FOXN3: variants seen among roughly 807,000 people sequenced by gnomAD.
The protein encoded by FOXN3 is forkhead box N3.
FOXN3 carries 7 observed loss-of-function variants against 38.4 expected under a neutral mutation model. That is an observed-to-expected ratio of 0.18 (90% CI 0.10 to 0.34). The LOEUF is 0.34. Ranked by LOEUF, FOXN3 falls within the 10% of genes least tolerant of loss-of-function variation. The probability of loss-of-function intolerance (pLI) is 1.00; values close to 1 mark genes in which losing one functional copy is unlikely to be tolerated. For missense variants in FOXN3, 456 were observed against 613.4 expected (o/e 0.74, Z 2.71); for synonymous variants, 230 against 242.2 (o/e 0.95, Z 0.47).
At chr14:89,372,369 T>C (rs1890343723) in intron 2 of FOXN3, among the ~76,000 whole-genome samples, 2 of 152,212 alleles carry the variant, frequency 1.3e-5, no homozygotes, top group Non-Finnish European at 1.5e-5. Flanking sequence ...TAGAATTCCT[T>C]GTAAGTGCAT....
intron 1 of FOXN3, among the ~76,000 whole-genome samples, chr14:89,598,313 C>T (rs1896098960): frequency 6.6e-6 from 1 of 152,058 alleles, no homozygotes; most frequent in African/African-American, 2.4e-5. Flanking sequence ...CCATTGAATT[C>T]TTATTTCTAT....
intron 3 of FOXN3, among the ~76,000 whole-genome samples, chr14:89,312,392 G>T (rs1275432918): frequency 1.3e-5 from 2 of 151,592 alleles, no homozygotes; most frequent in East Asian, 3.9e-4. Context: ...CTCAGCAATT[G>T]TAAAAGTAAG....
At chr14:89,169,450 A>G (rs949650561) in intron 5 of FOXN3, among the ~76,000 whole-genome samples, 2 of 152,090 alleles carry the variant, frequency 1.3e-5, no homozygotes, top group Non-Finnish European at 2.9e-5. Context: ...TCAAAAAAGA[A>G]AAGAAAATGT....
intron 3 of FOXN3, among the ~76,000 whole-genome samples, chr14:89,330,495 T>G (rs944903025): frequency 2.6e-5 from 4 of 152,126 alleles, no homozygotes; most frequent in Non-Finnish European, 4.4e-5. Flanking sequence ...CACTGTAACT[T>G]GTGGGTAGGA....
At chr14:89,413,455 G>A (rs1310095821) in intron 1 of FOXN3, among the ~76,000 whole-genome samples, 1 of 151,640 alleles carries the variant, frequency 6.6e-6, no homozygotes, top group African/African-American at 2.4e-5. Context: ...GCAACATGGC[G>A]AAACCCCATC....
chr14:89,417,873 C>A, upstream of FOXN3: 1 of 411,792 alleles, frequency 2.4e-6, no homozygotes, highest in Non-Finnish European at 5.0e-6. Context: ...AGACAAGAGG[C>A]ACCGTCCTAA....
chr14:89,323,920 C>T (rs1306275833), intron 3 of FOXN3, among the ~76,000 whole-genome samples: 6 of 152,064 alleles, frequency 3.9e-5, no homozygotes, highest in Non-Finnish European at 8.8e-5. Context: ...AGCACTGTAA[C>T]CTTGGATGTG....
intron 2 of FOXN3, among the ~76,000 whole-genome samples, chr14:89,360,006 A>G (rs554619691): frequency 4.0e-4 from 61 of 152,322 alleles, no homozygotes; most frequent in African/African-American, 1.4e-3. Context: ...GGTACTCCTC[A>G]TCAAGCTGTC....
chr14:89,549,453 A>G (rs750622163), intron 1 of FOXN3, among the ~76,000 whole-genome samples: 1 of 152,086 alleles, frequency 6.6e-6, no homozygotes, highest in African/African-American at 2.4e-5. Flanking sequence ...ACATTCGAAA[A>G]CATCCGGAAA....
intron 4 of FOXN3, among the ~76,000 whole-genome samples, chr14:89,247,585 C>A (rs1453666430): frequency 6.6e-6 from 1 of 152,168 alleles, no homozygotes; most frequent in African/African-American, 2.4e-5. Flanking sequence ...AGTGCACAGT[C>A]AACTATATCT....
chr14:89,192,289 A>ACC (rs1887974709), intron 4 of FOXN3, among the ~76,000 whole-genome samples: 1 of 146,430 alleles, frequency 6.8e-6, no homozygotes, highest in Non-Finnish European at 1.5e-5. Flanking sequence ...TATATACTAT[A>ACC]TAATAAACTA....
chr14:89,461,815 G>A (rs1892853873), intron 1 of FOXN3, among the ~76,000 whole-genome samples: 1 of 152,106 alleles, frequency 6.6e-6, no homozygotes, highest in Non-Finnish European at 1.5e-5. Flanking sequence ...ACTAGAAAAG[G>A]GGAGAAAAGG....
At chr14:89,295,762 A>ATTTTTTTTTTTTTTTTTTTT (rs1032063820) in intron 3 of FOXN3, among the ~76,000 whole-genome samples, 2 of 123,224 alleles carry the variant, frequency 1.6e-5, no homozygotes, top group Non-Finnish European at 3.4e-5. Context: ...TAATTTTTGC[A>ATTTTTTTTTTTTTTTTTTTT]TTTTTTTTTT....
At chr14:89,616,651 T>C (rs973492749) in intron 1 of FOXN3, among the ~76,000 whole-genome samples, 3 of 151,826 alleles carry the variant, frequency 2.0e-5, no homozygotes, top group African/African-American at 4.8e-5. Context: ...CCCCGATGAA[T>C]CCTCATCCAC....
intron 2 of FOXN3, 158 bp from the exon 3 acceptor site, chr14:89,350,966 A>C: frequency 2.2e-6 from 1 of 452,136 alleles, no homozygotes; most frequent in Non-Finnish European, 3.7e-6. Flanking sequence ...AGAACTCCAT[A>C]AAATGCACTT....
chr14:89,231,689 G>C (rs1479308956), intron 4 of FOXN3, among the ~76,000 whole-genome samples: 1 of 152,168 alleles, frequency 6.6e-6, no homozygotes, highest in African/African-American at 2.4e-5. Context: ...TGGAGAAAAA[G>C]GAGGGGACGC....
intron 1 of FOXN3, among the ~76,000 whole-genome samples, chr14:89,582,112 G>A (rs1038186321): frequency 6.6e-6 from 1 of 152,116 alleles, no homozygotes; most frequent in African/African-American, 2.4e-5. Flanking sequence ...TGTTCCCCAC[G>A]TTCTCCTCTA....
chr14:89,502,605 T>C (rs1893826113), intron 1 of FOXN3, among the ~76,000 whole-genome samples: 1 of 152,252 alleles, frequency 6.6e-6, no homozygotes, highest in Non-Finnish European at 1.5e-5. Flanking sequence ...GCATTTTTTC[T>C]TCTTAGCGGT....
chr14:89,390,585 C>T (rs1316494430), intron 2 of FOXN3, among the ~76,000 whole-genome samples: 1 of 150,322 alleles, frequency 6.7e-6, no homozygotes, highest in Non-Finnish European at 1.5e-5. Context: ...GTGGCTACTA[C>T]AAAATTCTTA....
Sources: gnomAD v4.1 joint callset for allele counts (sites outside exome capture counted in the v4.1 genomes callset) on GRCh38, gnomAD v4.1.1 for gene constraint, MANE v1.5 for transcripts, NCBI Gene and HGNC (gene_info 2026-07-23, HGNC 2026-07-21) for gene names.